The following ATP9B variants were observed in gnomAD, a reference collection of about 807,000 sequenced individuals.
ATP9B encodes ATPase phospholipid transporting 9B, also known as probable phospholipid-transporting ATPase IIB.
Under a neutral mutation model 146.1 loss-of-function variants are expected in ATP9B, and 110 were observed. The observed-to-expected ratio is 0.75, with a 90% confidence interval of 0.65 to 0.88. The LOEUF is 0.88. Ranked by LOEUF, ATP9B falls within the 40% of genes least tolerant of loss-of-function variation. ATP9B has a pLI of 0.00. For missense variants in ATP9B, 1,499 were observed against 1,496.4 expected (o/e 1.00, Z -0.03); for synonymous variants, 604 against 569.7 (o/e 1.06, Z -0.86).
At chr18:79,141,503 G>GA (rs555970227) in intron 5 of ATP9B, among the ~76,000 whole-genome samples, 2 of 152,146 alleles carry the variant, frequency 1.3e-5, no homozygotes, top group East Asian at 1.9e-4. Flanking sequence ...ATAGTTTTAA[G>GA]AAAAAAATAT....
chr18:79,111,425 G>A (rs920397716), intron 3 of ATP9B, among the ~76,000 whole-genome samples: 13 of 150,762 alleles, frequency 8.6e-5, no homozygotes, highest in African/African-American at 3.2e-4. Flanking sequence ...CTAGTGATTG[G>A]CAAATACTTG....
At chr18:79,281,175 C>A (rs2096372418) in intron 13 of ATP9B, among the ~76,000 whole-genome samples, 1 of 152,130 alleles carries the variant, frequency 6.6e-6, no homozygotes, top group Non-Finnish European at 1.5e-5. Context: ...AAAATAAACA[C>A]ACTTTCAGAA....
chr18:79,372,720 T>G (rs759041185), intron 26 of ATP9B, 105 bp from the exon 27 acceptor site: 103 of 809,366 alleles, frequency 1.3e-4, no homozygotes, highest in Middle Eastern at 2.2e-4. Context: ...TGGATGGGGC[T>G]TATGGACCTG....
chr18:79,342,333 G>A lies in ATP9B; in HGVS notation c.2349G>A (p.Val783=). ...GCATTGCCAAAAGTTCACATCTCGT[G>A]TCTAGAACACAAGATATTCATATTT... is the stretch of plus-strand genomic sequence containing the variant. ...ATCIAKSSHL[V]SRTQDIHIFR... The change falls in exon 20 of 30, where the codon GTG becomes GTA. Residue 783 remains valine (V), a synonymous_variant. Transcript: ENST00000426216. The A allele has an allele frequency of 6.2e-7, 1 of 1,613,556 alleles. No individual in the cohort carries two copies. The highest frequency in any genetic ancestry group is 1.1e-5 in the South Asian group (1 of 91,058).
At chr18:79,094,783 G>A (rs988570407) in intron 1 of ATP9B, among the ~76,000 whole-genome samples, 1 of 152,198 alleles carries the variant, frequency 6.6e-6, no homozygotes, top group Non-Finnish European at 1.5e-5. Flanking sequence ...GAGCTAAGCT[G>A]CCCTTGTCTT....
chr18:79,070,467 A>AT (rs1178934226), intron 1 of ATP9B, among the ~76,000 whole-genome samples: 2 of 152,110 alleles, frequency 1.3e-5, no homozygotes, highest in African/African-American at 4.8e-5. Context: ...GCTGGATAAT[A>AT]TTTTTTCTTA....
At chr18:79,114,268 C>CT (rs1032640101) in intron 4 of ATP9B, among the ~76,000 whole-genome samples, 30 of 152,030 alleles carry the variant, frequency 2.0e-4, no homozygotes, top group Non-Finnish European at 3.5e-4. Context: ...CCACTACTTC[C>CT]TTTTTTTTGA....
intron 7 of ATP9B, among the ~76,000 whole-genome samples, chr18:79,171,063 A>G (rs76229979): frequency 2.0e-5 from 3 of 152,346 alleles, no homozygotes; most frequent in East Asian, 1.9e-4. Flanking sequence ...TGTTTAGTCT[A>G]ATTGATGCCA....
intron 19 of ATP9B, among the ~76,000 whole-genome samples, chr18:79,340,055 C>G (rs1459874541): frequency 1.3e-5 from 2 of 152,088 alleles, no homozygotes; most frequent in Non-Finnish European, 1.5e-5. Context: ...GAGGCTCAAT[C>G]GAGCCCCAGA....
At chr18:79,246,294 C>G (rs34327902) in intron 11 of ATP9B, among the ~76,000 whole-genome samples, 12,989 of 84,308 alleles carry the variant, frequency 0.15, 1,023 homozygotes, top group East Asian at 0.39. Flanking sequence ...ACTGTCTGTG[C>G]GGAGGGCACC....
chr18:79,264,684 G>T (rs73002522), intron 12 of ATP9B, among the ~76,000 whole-genome samples: 200 of 112,712 alleles, frequency 1.8e-3, no homozygotes, highest in Non-Finnish European at 2.7e-3. Flanking sequence ...TTTTTTTTTT[G>T]ATATATATGG....
intron 8 of ATP9B, among the ~76,000 whole-genome samples, chr18:79,186,047 T>C (rs372145972): frequency 6.6e-6 from 1 of 152,332 alleles, no homozygotes; most frequent in East Asian, 1.9e-4. Context: ...GGCACAGTTT[T>C]CAGGCGTTGT....
intron 5 of ATP9B, among the ~76,000 whole-genome samples, chr18:79,141,965 C>A (rs1369323744): frequency 6.6e-6 from 1 of 152,140 alleles, no homozygotes; most frequent in African/African-American, 2.4e-5. Flanking sequence ...GCAAAGAGGA[C>A]AGCAAATAAG....
intron 25 of ATP9B, among the ~76,000 whole-genome samples, chr18:79,355,088 C>G (rs188946493): frequency 5.0e-4 from 76 of 152,366 alleles, no homozygotes; most frequent in African/African-American, 1.8e-3. Flanking sequence ...TAATGAGCCC[C>G]TCAGTGTCGG....
intron 8 of ATP9B, among the ~76,000 whole-genome samples, chr18:79,190,219 G>A (rs2148111337): frequency 6.6e-6 from 1 of 152,096 alleles, no homozygotes; most frequent in Non-Finnish European, 1.5e-5. Flanking sequence ...ATAGATTTGT[G>A]TATATTTTAT....
At chr18:79,287,198 A>C (rs1455076522) in intron 13 of ATP9B, among the ~76,000 whole-genome samples, 1 of 152,244 alleles carries the variant, frequency 6.6e-6, no homozygotes, top group Non-Finnish European at 1.5e-5. Flanking sequence ...GAATGATACC[A>C]GTTCCTCCTT....
chr18:79,271,285 C>T (rs944491025), intron 12 of ATP9B, among the ~76,000 whole-genome samples: 2 of 152,086 alleles, frequency 1.3e-5, no homozygotes, highest in African/African-American at 2.4e-5. Context: ...ATGTGCACAA[C>T]GTGCAGGTTT....
At chr18:79,138,577 T>TA (rs1388515961) in intron 5 of ATP9B, among the ~76,000 whole-genome samples, 4 of 152,232 alleles carry the variant, frequency 2.6e-5, no homozygotes, top group Non-Finnish European at 5.9e-5. Context: ...TTGAAGATCT[T>TA]AGAGATCTAA....
chr18:79,129,137 A>T (rs193016821), intron 5 of ATP9B, among the ~76,000 whole-genome samples: 1 of 152,320 alleles, frequency 6.6e-6, no homozygotes, highest in African/African-American at 2.4e-5. Flanking sequence ...CCATTTCTCA[A>T]ACATATGCAA....
Sources: gnomAD v4.1 joint callset for allele counts (sites outside exome capture counted in the v4.1 genomes callset) on GRCh38, gnomAD v4.1.1 for gene constraint, MANE v1.5 for transcripts, NCBI Gene and HGNC (gene_info 2026-07-23, HGNC 2026-07-21) for gene names.